The following ZBTB7C variants were observed in gnomAD, a reference collection of about 807,000 sequenced individuals.
The protein encoded by ZBTB7C is zinc finger and BTB domain-containing protein 7C.
In ZBTB7C, 8 loss-of-function variants were observed where a neutral mutation model predicts 25.7. That is an observed-to-expected ratio of 0.31 (90% CI 0.18 to 0.56). The LOEUF is 0.56. ZBTB7C is among the 20% of genes least tolerant of loss of function. ZBTB7C has a pLI of 0.91. For synonymous variants in ZBTB7C, 394 were observed against 369.0 expected (o/e 1.07, Z -0.78); for missense variants, 824 against 855.2 (o/e 0.96, Z 0.46).
intron 4 of ZBTB7C, among the ~76,000 whole-genome samples, chr18:48,035,864 G>C (rs1202466975): frequency 6.6e-6 from 1 of 152,242 alleles, no homozygotes; most frequent in East Asian, 1.9e-4. Flanking sequence ...AGGTAATCTT[G>C]GTCCAGACTG....
chr18:48,158,523 G>C (rs755939840), intron 3 of ZBTB7C, among the ~76,000 whole-genome samples: 27 of 147,492 alleles, frequency 1.8e-4, no homozygotes, highest in Non-Finnish European at 3.5e-4. Context: ...GGAGGGGTGG[G>C]GTGGGGGTGA....
At chr18:48,222,777 A>C (rs1376584870) in intron 2 of ZBTB7C, among the ~76,000 whole-genome samples, 1 of 152,202 alleles carries the variant, frequency 6.6e-6, no homozygotes, top group Non-Finnish European at 1.5e-5. Context: ...CCACAAGGGC[A>C]TGAGAAAGAG....
chr18:48,216,992 G>A (rs1295475860), intron 2 of ZBTB7C, among the ~76,000 whole-genome samples: 1 of 152,174 alleles, frequency 6.6e-6, no homozygotes, highest in Non-Finnish European at 1.5e-5. Flanking sequence ...GCATGCGCAG[G>A]AAGGCCGTGT....
chr18:48,224,503 G>A (rs1180147337), intron 2 of ZBTB7C, among the ~76,000 whole-genome samples: 2 of 152,158 alleles, frequency 1.3e-5, no homozygotes, highest in Non-Finnish European at 2.9e-5. Context: ...CAGACATGCC[G>A]GGGCCTCAGC....
chr18:48,265,435 C>A (rs763690076), intron 2 of ZBTB7C, among the ~76,000 whole-genome samples: 3 of 152,174 alleles, frequency 2.0e-5, no homozygotes, highest in Non-Finnish European at 1.5e-5. Flanking sequence ...TGGTTCATCT[C>A]GGATTTTCGC....
intron 3 of ZBTB7C, among the ~76,000 whole-genome samples, chr18:48,170,884 T>C (rs1192602243): frequency 1.3e-5 from 2 of 151,912 alleles, no homozygotes; most frequent in African/African-American, 4.8e-5. Context: ...TGTCCAGGCC[T>C]TTCATGGGAG....
chr18:48,153,260 T>A (rs2144901881), intron 3 of ZBTB7C, among the ~76,000 whole-genome samples: 1 of 152,374 alleles, frequency 6.6e-6, no homozygotes, highest in East Asian at 1.9e-4. Flanking sequence ...AGTCATTTTC[T>A]TAATTTCACC....
chr18:48,179,018 C>T (rs998630340), intron 3 of ZBTB7C, among the ~76,000 whole-genome samples: 4 of 152,172 alleles, frequency 2.6e-5, no homozygotes, highest in Non-Finnish European at 5.9e-5. Flanking sequence ...GTGGAGGGGA[C>T]AATGCCAGGG....
chr18:48,173,353 C>A (rs1412784034), intron 3 of ZBTB7C, among the ~76,000 whole-genome samples: 1 of 152,124 alleles, frequency 6.6e-6, no homozygotes, highest in Non-Finnish European at 1.5e-5. Context: ...CCATTTCCCC[C>A]AGTTTGGCAT....
intron 3 of ZBTB7C, among the ~76,000 whole-genome samples, chr18:48,170,557 GT>G (rs939934351): frequency 6.6e-6 from 1 of 152,230 alleles, no homozygotes; most frequent in Non-Finnish European, 1.5e-5. Context: ...TTTCAGACAT[GT>G]TCAGGAAGAC....
At chr18:48,236,343 T>A (rs1326508110) in intron 2 of ZBTB7C, among the ~76,000 whole-genome samples, 2 of 152,206 alleles carry the variant, frequency 1.3e-5, no homozygotes, top group Non-Finnish European at 2.9e-5. Flanking sequence ...CATAAATGGA[T>A]ACCTATTCTC....
chr18:48,177,316 C>A (rs2041714552), intron 3 of ZBTB7C, among the ~76,000 whole-genome samples: 1 of 152,194 alleles, frequency 6.6e-6, no homozygotes, highest in Non-Finnish European at 1.5e-5. Context: ...CCTGCAAAAG[C>A]CTTTCCTTTT....
At chr18:48,180,244 T>A in intron 3 of ZBTB7C, 2 of 397,272 alleles carry the variant, frequency 5.0e-6, no homozygotes, top group South Asian at 1.8e-5. Context: ...CCTTCCTTCC[T>A]TCCATCCATT....
chr18:48,299,741 C>T (rs2045496632), intron 2 of ZBTB7C, among the ~76,000 whole-genome samples: 1 of 152,216 alleles, frequency 6.6e-6, no homozygotes, highest in Admixed American at 6.5e-5. Flanking sequence ...CAGAGCGCAG[C>T]ATGTGCAAAG....
At chr18:48,149,199 T>C (rs1477513009) in intron 3 of ZBTB7C, 1 of 140,384 alleles carries the variant, frequency 7.1e-6, no homozygotes, top group Non-Finnish European at 1.6e-5. Flanking sequence ...CACGTGTGTG[T>C]GCACGCGTGT....
intron 1 of ZBTB7C, among the ~76,000 whole-genome samples, chr18:48,392,622 C>T (rs1170783731): frequency 6.6e-6 from 1 of 152,208 alleles, no homozygotes; most frequent in African/African-American, 2.4e-5. Flanking sequence ...ACTCTTCTAG[C>T]AGTTTTTCCA....
chr18:48,118,597 G>A (rs908883647), intron 3 of ZBTB7C, among the ~76,000 whole-genome samples: 1 of 152,108 alleles, frequency 6.6e-6, no homozygotes, highest in Non-Finnish European at 1.5e-5. Context: ...GTGTTCCTGA[G>A]CCAGAATATT....
intron 3 of ZBTB7C, among the ~76,000 whole-genome samples, chr18:48,164,078 C>G (rs2041160055): frequency 6.6e-6 from 1 of 152,202 alleles, no homozygotes; most frequent in African/African-American, 2.4e-5. Context: ...CAAGAGGCAC[C>G]AACTCCAAGT....
chr18:48,314,565 G>A (rs2045903893), intron 2 of ZBTB7C, among the ~76,000 whole-genome samples: 2 of 152,192 alleles, frequency 1.3e-5, no homozygotes, highest in African/African-American at 2.4e-5. Flanking sequence ...ACTGCATATA[G>A]TGGCCAAGAG....
Sources: gnomAD v4.1 joint callset for allele counts (sites outside exome capture counted in the v4.1 genomes callset) on GRCh38, gnomAD v4.1.1 for gene constraint, MANE v1.5 for transcripts, NCBI Gene and HGNC (gene_info 2026-07-23, HGNC 2026-07-21) for gene names.